NAV3: variants seen among roughly 807,000 people sequenced by gnomAD.
NAV3 encodes the protein pore membrane and/or filament interacting like protein 1.
Under a neutral mutation model 244.7 loss-of-function variants are expected in NAV3, and 87 were observed. The ratio of observed to expected loss-of-function variants is 0.36; its 90% CI spans 0.30 to 0.42. NAV3 has a LOEUF of 0.42. NAV3 is among the 20% of genes least tolerant of loss of function. The probability of loss-of-function intolerance (pLI) is 1.00; values close to 1 mark genes in which losing one functional copy is unlikely to be tolerated. For synonymous variants in NAV3, 1,126 were observed against 1,042.2 expected, an observed-to-expected ratio of 1.08 and a Z score of -1.55; for missense variants, 2,663 against 2,893.3, an observed-to-expected ratio of 0.92 and a Z score of 1.83.
rs148963552 is a variant in NAV3 at position 77,702,358 on chromosome 12, A to G, written c.72+130092A>G. On this transcript the variant is annotated intron_variant, in intron 2 of 8. Coordinates refer to the NAV3 transcript ENST00000550042. ...TTCTGTCCTTTTCTATTTAAAGTCTATCTCGCAGAGGATATAGTTGGGTGT... is the reference window on the plus strand; with the variant it reads ...TTCTGTCCTTTTCTATTTAAAGTCTGTCTCGCAGAGGATATAGTTGGGTGT... Among the ~76,000 whole-genome samples, 420 of 152,080 alleles carry G rather than the reference A, an allele frequency of 2.8e-3. 2 individuals carry two copies. Among genetic ancestry groups the G allele is most frequent in the African/African-American group, 9.7e-3 (403 of 41,530 alleles).
At chr12:77,993,937 G>T (rs1871879770) in intron 5 of NAV3, among the ~76,000 whole-genome samples, 1 of 152,136 alleles carries the variant, frequency 6.6e-6, no homozygotes, top group African/African-American at 2.4e-5. Flanking sequence ...CATGTCCTGG[G>T]TTTATCAGGT....
intron 2 of NAV3, among the ~76,000 whole-genome samples, chr12:77,741,197 G>T (rs1331427170): frequency 7.4e-6 from 1 of 135,686 alleles, no homozygotes; most frequent in South Asian, 2.4e-4. Context: ...AGAAAATCCA[G>T]TTGGCAAAGA....
Position 77,640,296 on chromosome 12 carries a change from A to C in NAV3, c.72+68030A>C, listed in dbSNP as rs562280487. On this transcript the variant is annotated intron_variant, in intron 2 of 8. Transcript: ENST00000550042. ...AAGTTGTGGTGCAACACACAGGAAG[A>C]AGCAATTTCTTGGTGAATTAAGGAA... 5.3e-5 allele frequency among the ~76,000 whole-genome samples: 8 copies of C among 152,232 alleles called. No homozygotes were observed. In the South Asian group the frequency reaches 1.5e-3, roughly 28 times the overall value.
chr12:77,923,938 A>G (rs1209868728), intron 1 of NAV3, among the ~76,000 whole-genome samples: 3 of 152,136 alleles, frequency 2.0e-5, no homozygotes, highest in Non-Finnish European at 4.4e-5. Flanking sequence ...GGATTTGGGG[A>G]ATGGATTTTT....
At chr12:77,791,583 T>C (rs2135944521) in intron 2 of NAV3, among the ~76,000 whole-genome samples, 1 of 152,280 alleles carries the variant, frequency 6.6e-6, no homozygotes, top group Non-Finnish European at 1.5e-5. Context: ...TCTTTTTTCC[T>C]ATTTTACAGA....
chr12:77,816,441 T>C (rs951256813), intron 2 of NAV3, among the ~76,000 whole-genome samples: 1 of 152,230 alleles, frequency 6.6e-6, no homozygotes, highest in African/African-American at 2.4e-5. Context: ...ATGAAGTCAT[T>C]TGACTCTCTT....
chr12:77,890,947 G>A (rs1883862991), intron 1 of NAV3, among the ~76,000 whole-genome samples: 1 of 152,088 alleles, frequency 6.6e-6, no homozygotes, highest in Admixed American at 6.6e-5. Flanking sequence ...TATGATAAAT[G>A]ATTTCATAAT....
At position 78,211,641 on chromosome 12, in the gene NAV3, G is replaced by T. The variant is rs968341980; in HGVS notation, c.*1124G>T. 5 of 152,480 alleles carry T rather than the reference G, an allele frequency of 3.3e-5. No homozygotes were observed. Among genetic ancestry groups the T allele is most frequent in the Non-Finnish European group, 7.4e-5 (5 of 68,010 alleles). The allele number at this position is 152,480 out of a possible 1,614,324, so 9.4% of individuals were successfully genotyped here. On this transcript the variant is annotated 3_prime_UTR_variant, in exon 40 of 40. Coordinates refer to ENST00000397909, the MANE Select transcript of NAV3 (RefSeq NM_001024383.2). Reference sequence around the variant, plus strand: ...ATTCCATCCAGTTCTAAGTGAAAGAGTTTCAGAAGGCAGAAGATTTTGAAT... The same window carrying T: ...ATTCCATCCAGTTCTAAGTGAAAGATTTTCAGAAGGCAGAAGATTTTGAAT...
Position 77,872,286 on chromosome 12 carries a change from C to A in NAV3, c.243+40582C>A, listed in dbSNP as rs1465496384. On this transcript the variant is annotated intron_variant, in intron 1 of 39. Coordinates refer to ENST00000397909, the MANE Select transcript of NAV3 (RefSeq NM_001024383.2). ...TCTTCTCTAGCATGGGAACAGGTTG[C>A]CATTTCTTTAACTGAACATTGAAAT... 2.0e-5 allele frequency among the ~76,000 whole-genome samples: 3 copies of A among 152,068 alleles called. No homozygotes were observed. In the East Asian group the frequency reaches 5.8e-4, roughly 29 times the overall value.
chr12:77,679,298 A>T (rs1311585718), intron 2 of NAV3, among the ~76,000 whole-genome samples: 1 of 152,174 alleles, frequency 6.6e-6, no homozygotes. Flanking sequence ...AAGGATAGGA[A>T]GACATTATGA....
intron 12 of NAV3, among the ~76,000 whole-genome samples, chr12:78,082,951 A>G (rs1189344038): frequency 6.6e-6 from 1 of 152,112 alleles, no homozygotes; most frequent in African/African-American, 2.4e-5. Context: ...TACTTTCATC[A>G]TCACCTCTCC....
At chr12:77,756,516 T>C (rs2135820460) in intron 2 of NAV3, among the ~76,000 whole-genome samples, 1 of 152,306 alleles carries the variant, frequency 6.6e-6, no homozygotes, top group Admixed American at 6.5e-5. Flanking sequence ...TTCAGTGATG[T>C]CAGTAAGACA....
At position 78,149,941 on chromosome 12, in the gene NAV3, T is replaced by G. The variant is rs574586395; in HGVS notation, c.4785+1022T>G. On this transcript the variant is annotated intron_variant, in intron 22 of 39. Transcript: ENST00000397909. The stretch of plus-strand genomic sequence containing the variant: ...ATTCATTTTAGCACTGTATTTGAAT[T>G]GATTTTATTTTCTGAAATTTGGGAG... Among the ~76,000 whole-genome samples the G allele has an allele frequency of 3.0e-4, 45 of 152,168 alleles. 1 individual carries two copies. The highest frequency in any genetic ancestry group is 5.9e-4 in the Admixed American group (9 of 15,252).
At chr12:78,105,652 A>G (rs985923913) in intron 12 of NAV3, among the ~76,000 whole-genome samples, 1 of 152,040 alleles carries the variant, frequency 6.6e-6, no homozygotes. Flanking sequence ...AGGATTTTCT[A>G]TCACATTTTA....
chr12:78,078,716 A>G (rs929183927), intron 12 of NAV3, among the ~76,000 whole-genome samples: 1 of 151,896 alleles, frequency 6.6e-6, no homozygotes, highest in African/African-American at 2.4e-5. Flanking sequence ...TTTTAAATTT[A>G]AAGCCATAGC....
intron 12 of NAV3, among the ~76,000 whole-genome samples, chr12:78,067,170 T>A (rs533519826): frequency 6.6e-6 from 1 of 152,224 alleles, no homozygotes; most frequent in South Asian, 2.1e-4. Context: ...ATTCATTTTA[T>A]CCATGTTGAT....
At chr12:77,691,329 G>GTATAAATATATA (rs1350161105) in intron 2 of NAV3, among the ~76,000 whole-genome samples, 1 of 66,690 alleles carries the variant, frequency 1.5e-5, no homozygotes, top group Non-Finnish European at 2.9e-5. Flanking sequence ...AAGTATTTGT[G>GTATAAATATATA]TATGTGTGTA....
rs548616639 is a variant in NAV3, at chr12:77,970,851, T to C, written c.671+2149T>C. Among the ~76,000 whole-genome samples the C allele has an allele frequency of 1.4e-4, 21 of 152,186 alleles. No individual in the cohort carries two copies. The South Asian group carries it at 4.1e-3, about 30-fold the overall frequency. On this transcript the variant is annotated intron_variant, in intron 5 of 39. Transcript: ENST00000397909. Reference sequence around the variant, plus strand: ...GAAATAATATTTACTAGAGTTTGGTTTAAGCAATTTAAATAAAGAAGACAC... The same window carrying C: ...GAAATAATATTTACTAGAGTTTGGTCTAAGCAATTTAAATAAAGAAGACAC...
chr12:78,091,073 C>T (rs910597155), intron 12 of NAV3, among the ~76,000 whole-genome samples: 8 of 150,620 alleles, frequency 5.3e-5, no homozygotes, highest in African/African-American at 1.2e-4. Flanking sequence ...AATATAATTC[C>T]AAAGTATGTA....
Sources: gnomAD v4.1 joint callset for allele counts (sites outside exome capture counted in the v4.1 genomes callset) on GRCh38, gnomAD v4.1.1 for gene constraint, MANE v1.5 for transcripts, NCBI Gene and HGNC (gene_info 2026-07-23, HGNC 2026-07-21) for gene names.